Variants in CACNA1E observed in about 807,000 individuals in gnomAD.
CACNA1E encodes the protein calcium voltage-gated channel subunit alpha1 E, also known as voltage-dependent R-type calcium channel subunit alpha-1E.
In CACNA1E, 40 loss-of-function variants were observed where a neutral mutation model predicts 259.2. The observed-to-expected ratio is 0.15, with a 90% CI of 0.12 to 0.20. The LOEUF is 0.20. CACNA1E is among the 10% of genes least tolerant of loss of function. The pLI is 1.00. For missense variants in CACNA1E, 1,874 were observed against 3,040.1 expected (o/e 0.62, Z 9.02); for synonymous variants, 1,104 against 1,138.5 (o/e 0.97, Z 0.61).
At chr1:181,548,129 C>CT (rs71571282) in intron 3 of CACNA1E, among the ~76,000 whole-genome samples, 61 of 133,390 alleles carry the variant, frequency 4.6e-4, no homozygotes, top group East Asian at 1.0e-3. Flanking sequence ...CTTTTTTTTT[C>CT]TTTTTTTTTT....
At chr1:181,797,238 C>A (rs1661889754) in intron 47 of CACNA1E, among the ~76,000 whole-genome samples, 1 of 152,152 alleles carries the variant, frequency 6.6e-6, no homozygotes, top group Admixed American at 6.5e-5. Flanking sequence ...ATCTCTCAGC[C>A]CAGGATTCAC....
chr1:181,400,096 T>A (rs4531257), intron 1 of CACNA1E, among the ~76,000 whole-genome samples: 52,203 of 152,062 alleles, frequency 0.34, 9,594 homozygotes, highest in Admixed American at 0.44. Context: ...TATCTCAGTG[T>A]TCCCCCCCAC....
At chr1:181,367,953 A>G (rs892984896) in intron 1 of CACNA1E, among the ~76,000 whole-genome samples, 8 of 152,210 alleles carry the variant, frequency 5.3e-5, no homozygotes, top group Non-Finnish European at 1.0e-4. Flanking sequence ...AAAATTGGCC[A>G]GGCATGGTAG....
chr1:181,614,012 CT>C (rs1654988352), intron 6 of CACNA1E, among the ~76,000 whole-genome samples: 1 of 152,140 alleles, frequency 6.6e-6, no homozygotes, highest in Non-Finnish European at 1.5e-5. Flanking sequence ...ATTCACATTC[CT>C]TTTCCTTTGT....
chr1:181,447,966 C>T (rs1314193624), intron 2 of CACNA1E, among the ~76,000 whole-genome samples: 1 of 152,160 alleles, frequency 6.6e-6, no homozygotes, highest in Non-Finnish European at 1.5e-5. Flanking sequence ...ACTCTTTTCT[C>T]TTCATCTCTG....
chr1:181,687,139 C>A (rs78374777), intron 7 of CACNA1E, among the ~76,000 whole-genome samples: 1,715 of 152,210 alleles, frequency 0.011, 29 homozygotes, highest in African/African-American at 0.039. Flanking sequence ...GAGGAATGAA[C>A]CATCTAACCT....
chr1:181,603,954 A>G (rs1653984332), intron 6 of CACNA1E, among the ~76,000 whole-genome samples: 1 of 152,172 alleles, frequency 6.6e-6, no homozygotes, highest in Non-Finnish European at 1.5e-5. Context: ...CCACTAAGTG[A>G]AAATGAGGCT....
intron 1 of CACNA1E, among the ~76,000 whole-genome samples, chr1:181,376,994 G>A (rs1197666832): frequency 1.3e-5 from 2 of 152,194 alleles, no homozygotes; most frequent in Non-Finnish European, 2.9e-5. Context: ...AGAGTTTACT[G>A]TATGGTCCCT....
intron 3 of CACNA1E, among the ~76,000 whole-genome samples, chr1:181,558,523 G>A (rs2102874834): frequency 6.6e-6 from 1 of 152,324 alleles, no homozygotes. Context: ...ATGCTGAACA[G>A]TGTTGAGGAG....
In CACNA1E at chr1:181,804,855, A is replaced by G. The variant is rs932100424; in HGVS notation, c.*6021A>G. 1.3e-5 allele frequency: 2 copies of G among 151,474 alleles called. No individual in the cohort carries two copies. The highest frequency in any genetic ancestry group is 2.9e-5 in the Non-Finnish European group (2 of 67,890). The allele number at this position is 151,474 out of a possible 1,614,324, so 9.4% of individuals were successfully genotyped here. ...AAACTTCCTGTTTAATGGAATCTGA[A>G]TCCAAGATTTGCTTTAATTTCACTC... On this transcript the variant is annotated 3_prime_UTR_variant, in exon 48 of 48. Transcript: ENST00000367573.
chr1:181,716,535 G>A (rs915735559), intron 10 of CACNA1E, among the ~76,000 whole-genome samples: 5 of 152,186 alleles, frequency 3.3e-5, no homozygotes, highest in Non-Finnish European at 7.3e-5. Flanking sequence ...CTTAACAACA[G>A]TAGCCCCCAC....
chr1:181,672,187 G>C (rs1474506057), intron 7 of CACNA1E, among the ~76,000 whole-genome samples: 1 of 152,206 alleles, frequency 6.6e-6, no homozygotes, highest in Non-Finnish European at 1.5e-5. Flanking sequence ...TAAATGATGA[G>C]AATTCATGAG....
chr1:181,374,205 T>G (rs1411414812), intron 1 of CACNA1E, among the ~76,000 whole-genome samples: 1 of 152,170 alleles, frequency 6.6e-6, no homozygotes, highest in Non-Finnish European at 1.5e-5. Flanking sequence ...TGTTTGATCT[T>G]TGTTTTCATT....
chr1:181,357,078 C>T (rs1653506135), intron 1 of CACNA1E, among the ~76,000 whole-genome samples: 1 of 152,272 alleles, frequency 6.6e-6, no homozygotes, highest in Non-Finnish European at 1.5e-5. Context: ...GTGATTGCTT[C>T]CATTGAATTC....
chr1:181,655,278 C>T lies in CACNA1E; in HGVS notation c.1055+3837C>T, dbSNP rs181360656. On this transcript the variant is annotated intron_variant, in intron 7 of 47. Coordinates refer to ENST00000367573, the MANE Select transcript of CACNA1E (RefSeq NM_001205293.3). ...AATACACACTGAAAACTCAGCATGA[C>T]TAATGGAAAGTGAGAACCCCAAGGT... is the stretch of plus-strand genomic sequence containing the variant. 1.2e-4 allele frequency among the ~76,000 whole-genome samples: 19 copies of T among 152,050 alleles called. No homozygotes were observed. The East Asian group carries it at 3.1e-3, about 25-fold the overall frequency.
At chr1:181,655,688 C>G (rs1360275324) in intron 7 of CACNA1E, among the ~76,000 whole-genome samples, 3 of 152,018 alleles carry the variant, frequency 2.0e-5, no homozygotes, top group Non-Finnish European at 4.4e-5. Context: ...AATTGATTCC[C>G]AGGGCGATGA....
At chr1:181,580,444 G>A in intron 5 of CACNA1E, 151 bp from the exon 6 acceptor site, 1 of 710,616 alleles carries the variant, frequency 1.4e-6, no homozygotes, top group East Asian at 2.5e-5. Flanking sequence ...GAGGTGCAGA[G>A]AGGCCAGGGA....
intron 3 of CACNA1E, among the ~76,000 whole-genome samples, chr1:181,528,124 C>T (rs1448086591): frequency 2.7e-5 from 4 of 147,466 alleles, no homozygotes; most frequent in Middle Eastern, 3.6e-3. Context: ...ACAATTCCCA[C>T]ATGTTGTGGG....
intron 3 of CACNA1E, among the ~76,000 whole-genome samples, chr1:181,562,778 G>A (rs1649449815): frequency 1.3e-5 from 2 of 152,202 alleles, no homozygotes; most frequent in South Asian, 4.1e-4. Context: ...CTGAGAAAAT[G>A]GCCATGCCAC....
Sources: allele counts gnomAD v4.1 joint callset (sites outside exome capture counted in the v4.1 genomes callset), GRCh38; gene constraint gnomAD v4.1.1; transcripts MANE v1.5; gene names NCBI Gene and HGNC (gene_info 2026-07-23, HGNC 2026-07-21).